EIF4G3: variants seen among roughly 807,000 people sequenced by gnomAD.
EIF4G3 encodes eukaryotic translation initiation factor 4 gamma 3, also known as eIF-4-gamma 3.
A neutral mutation model predicts 186.4 loss-of-function variants in EIF4G3; 34 were observed. That is an observed-to-expected ratio of 0.18 (90% CI 0.14 to 0.24). The LOEUF (loss-of-function observed/expected upper bound fraction) is 0.24. Ranked by LOEUF, EIF4G3 falls within the 10% of genes least tolerant of loss-of-function variation. EIF4G3 has a pLI of 1.00. For missense variants in EIF4G3, 1,536 were observed against 1,948.5 expected (o/e 0.79, Z 3.99); for synonymous variants, 673 against 679.5 (o/e 0.99, Z 0.15).
At chr1:21,048,090 A>T (rs1330125351) in intron 4 of EIF4G3, among the ~76,000 whole-genome samples, 2 of 152,186 alleles carry the variant, frequency 1.3e-5, no homozygotes, top group African/African-American at 4.8e-5. Flanking sequence ...TTCTAAAGGC[A>T]CCTGGTAAAA....
intron 34 of EIF4G3, among the ~76,000 whole-genome samples, chr1:20,815,506 G>A (rs972400504): frequency 3.3e-5 from 5 of 151,846 alleles, no homozygotes; most frequent in East Asian, 1.9e-4. Context: ...GTCTCTGCCC[G>A]GCCGCCCCGT....
intron 2 of EIF4G3, among the ~76,000 whole-genome samples, chr1:21,097,942 A>T (rs991211484): frequency 1.3e-5 from 2 of 150,964 alleles, no homozygotes; most frequent in African/African-American, 4.9e-5. Context: ...GATGTATTTA[A>T]AAAAAAAAAT....
chr1:20,887,662 AAC>A (rs1491006311), intron 18 of EIF4G3, among the ~76,000 whole-genome samples: 1 of 152,034 alleles, frequency 6.6e-6, no homozygotes, highest in Admixed American at 6.6e-5. Flanking sequence ...AAAAAAAAAA[AAC>A]AAACAGGTCA....
At chr1:21,118,786 A>C (rs2096874001) in intron 2 of EIF4G3, among the ~76,000 whole-genome samples, 1 of 130,752 alleles carries the variant, frequency 7.6e-6, no homozygotes, top group East Asian at 3.0e-4. Context: ...ACTACATCTC[A>C]AAAAAAAAAA....
chr1:21,076,030 C>A (rs1204488665), intron 3 of EIF4G3, among the ~76,000 whole-genome samples: 2 of 152,156 alleles, frequency 1.3e-5, no homozygotes, highest in Admixed American at 6.6e-5. Context: ...TTTCATCCAA[C>A]AGCTGCAGAA....
At chr1:21,114,419 G>A (rs964920290) in intron 2 of EIF4G3, among the ~76,000 whole-genome samples, 2 of 152,150 alleles carry the variant, frequency 1.3e-5, no homozygotes, top group East Asian at 3.9e-4. Flanking sequence ...GTGAGCCACC[G>A]TGCCCGGCCC....
chr1:20,930,010 G>T (rs933560274), intron 14 of EIF4G3, among the ~76,000 whole-genome samples: 1 of 152,114 alleles, frequency 6.6e-6, no homozygotes, highest in African/African-American at 2.4e-5. Flanking sequence ...TTCCCAGTGC[G>T]TATAAAAGTT....
At chr1:21,024,071 C>G (rs2091528424) in intron 4 of EIF4G3, among the ~76,000 whole-genome samples, 1 of 150,770 alleles carries the variant, frequency 6.6e-6, no homozygotes, top group Non-Finnish European at 1.5e-5. Context: ...GCAGCTGCCC[C>G]GTCTGAGAAG....
chr1:21,068,951 G>C (rs2095357507), intron 3 of EIF4G3, among the ~76,000 whole-genome samples: 1 of 152,086 alleles, frequency 6.6e-6, no homozygotes, highest in Non-Finnish European at 1.5e-5. Context: ...AATAATGCTG[G>C]TACACAAAAA....
intron 10 of EIF4G3, among the ~76,000 whole-genome samples, chr1:20,979,821 G>T (rs1044365404): frequency 2.6e-5 from 4 of 151,498 alleles, no homozygotes; most frequent in African/African-American, 4.9e-5. Context: ...CGTGATCTCG[G>T]CTCACTGCAA....
At chr1:20,919,515 C>A (rs2094289717) in intron 14 of EIF4G3, among the ~76,000 whole-genome samples, 1 of 152,064 alleles carries the variant, frequency 6.6e-6, no homozygotes, top group Non-Finnish European at 1.5e-5. Context: ...CCATATTTTT[C>A]TTATCATCAT....
At chr1:20,939,116 T>TA (rs3051247) in intron 14 of EIF4G3, among the ~76,000 whole-genome samples, 54,296 of 129,652 alleles carry the variant, frequency 0.42, 11,712 homozygotes, top group Non-Finnish European at 0.47. Context: ...TAAAAAAAAT[T>TA]AAAAAAAAAA....
At chr1:20,811,514 A>T (rs2059241014) in intron 35 of EIF4G3, among the ~76,000 whole-genome samples, 1 of 152,210 alleles carries the variant, frequency 6.6e-6, no homozygotes, top group African/African-American at 2.4e-5. Flanking sequence ...AATGCTCTGA[A>T]ATTATTAATG....
intron 3 of EIF4G3, among the ~76,000 whole-genome samples, chr1:21,071,053 GAATA>G (rs2095426523): frequency 6.6e-6 from 1 of 152,104 alleles, no homozygotes; most frequent in Admixed American, 6.5e-5. Flanking sequence ...CAGATATAAA[GAATA>G]AATTGAAAAT....
chr1:21,083,037 C>CAAAAAAAAAAAAAAAAA (rs544781256), intron 3 of EIF4G3, among the ~76,000 whole-genome samples: 6 of 66,424 alleles, frequency 9.0e-5, no homozygotes, highest in South Asian at 6.8e-4. Flanking sequence ...GACTCTGTCT[C>CAAAAAAAAAAAAAAAAA]AAAAAAAAAA....
intron 30 of EIF4G3, among the ~76,000 whole-genome samples, chr1:20,831,390 A>G (rs2065134568): frequency 2.0e-5 from 3 of 151,856 alleles, no homozygotes; most frequent in South Asian, 4.2e-4. Context: ...AGGCAGGAGA[A>G]AAAGAGCCAT....
chr1:20,925,053 T>C (rs1436662293), intron 14 of EIF4G3, among the ~76,000 whole-genome samples: 1 of 152,226 alleles, frequency 6.6e-6, no homozygotes, highest in Non-Finnish European at 1.5e-5. Flanking sequence ...AAAATCATTA[T>C]TAAGTATTTC....
intron 12 of EIF4G3, among the ~76,000 whole-genome samples, chr1:20,959,035 GA>G (rs201235456): frequency 6.6e-6 from 1 of 150,432 alleles, no homozygotes; most frequent in East Asian, 1.9e-4. Context: ...CACAGAATCA[GA>G]AAAAAAAATC....
At chr1:20,828,368 T>G (rs1166296485) in intron 31 of EIF4G3, among the ~76,000 whole-genome samples, 1 of 152,150 alleles carries the variant, frequency 6.6e-6, no homozygotes, top group Admixed American at 6.6e-5. Context: ...CTTTTCTTTA[T>G]AGATGAAATT....
Sources: gnomAD v4.1 joint callset for allele counts (sites outside exome capture counted in the v4.1 genomes callset) on GRCh38, gnomAD v4.1.1 for gene constraint, MANE v1.5 for transcripts, NCBI Gene and HGNC (gene_info 2026-07-23, HGNC 2026-07-21) for gene names.